The following BMP7 variants were observed in gnomAD, a reference collection of about 807,000 sequenced individuals.
BMP7 encodes the protein bone morphogenetic protein 7.
In BMP7, 12 loss-of-function variants were observed where a neutral mutation model predicts 41.2. That is an observed-to-expected ratio of 0.29 (90% CI 0.19 to 0.47). BMP7 has a LOEUF of 0.47. BMP7 is among the 20% of genes least tolerant of loss of function. The probability of loss-of-function intolerance (pLI) is 0.99; values close to 1 mark genes in which losing one functional copy is unlikely to be tolerated. For synonymous variants in BMP7, 248 were observed against 250.0 expected, an observed-to-expected ratio of 0.99 and a Z score of 0.07; for missense variants, 467 against 606.0, an observed-to-expected ratio of 0.77 and a Z score of 2.41.
chr20:57,249,780 T>C (rs1230125394), intron 1 of BMP7, among the ~76,000 whole-genome samples: 1 of 152,302 alleles, frequency 6.6e-6, no homozygotes, highest in East Asian at 1.9e-4. Flanking sequence ...CGGATGAGCC[T>C]AGAAGAGGCT....
At position 57,202,784 on chromosome 20, in the gene BMP7, C is replaced by A. The variant is rs8117461; in HGVS notation, c.612-161G>T. On this transcript the variant is annotated intron_variant, in intron 2 of 6. Coordinates refer to ENST00000395863, the MANE Select transcript of BMP7 (RefSeq NM_001719.3). Reference sequence around the variant, plus strand: ...CAGACCAAGATCCAGGCACAAAGACCCCTCAGTAGCTGTGGTGAGGAAAGA... The same window carrying A: ...CAGACCAAGATCCAGGCACAAAGACACCTCAGTAGCTGTGGTGAGGAAAGA... Among the ~76,000 whole-genome samples, 1,434 of 152,202 alleles carry A rather than the reference C, an allele frequency of 9.4e-3. 22 individuals carry two copies. The highest frequency in any genetic ancestry group is 0.033 in the African/African-American group (1,370 of 41,502).
rs755895161 is a variant in BMP7, at chr20:57,265,789, T to C, written c.334A>G (p.Ser112Gly). The part of the protein sequence containing the change: ...GFSYPYKAVF[S>G]TQGPPLASLQ... ...CTGGCCAGAGGGGGGCCCTGGGTAC[T>C]GAAGACGGCCTTGTAGGGGTAGGAG... is the stretch of plus-strand genomic sequence containing the variant. The change falls in exon 1 of 7, where the codon AGT becomes GGT. Residue 112 changes from serine (S) to glycine (G), a missense_variant. Around this residue, in one of 2 missense-constraint regions of BMP7, gnomAD observed 407 missense variants for 485.9 expected, o/e 0.84. Coordinates refer to ENST00000395863, the MANE Select transcript of BMP7 (RefSeq NM_001719.3). 12 of 1,609,858 alleles carry C rather than the reference T, an allele frequency of 7.5e-6. No individual in the cohort carries two copies. The highest frequency in any genetic ancestry group is 2.7e-5 in the African/African-American group (2 of 74,876).
intron 3 of BMP7, among the ~76,000 whole-genome samples, chr20:57,188,544 A>G (rs1271839339): frequency 6.9e-6 from 1 of 145,654 alleles, no homozygotes; most frequent in Non-Finnish European, 1.5e-5. Context: ...ATGAGAATAT[A>G]CTAAAAAAAA....
chr20:57,244,918 T>A (rs978743702), intron 1 of BMP7, among the ~76,000 whole-genome samples: 4 of 152,186 alleles, frequency 2.6e-5, no homozygotes, highest in Non-Finnish European at 5.9e-5. Context: ...CAAATGAGAA[T>A]TTATAATCCT....
chr20:57,245,126 G>T lies in BMP7; in HGVS notation c.419-16705C>A, dbSNP rs187477693. ...TCTGAAAACAGGAAGGTGCAGAGAC[G>T]TACAAAAGCCGCCCCAGGGGCTGAT... is the stretch of plus-strand genomic sequence containing the variant. On this transcript the variant is annotated intron_variant, in intron 1 of 6. Coordinates refer to ENST00000395863, the MANE Select transcript of BMP7 (RefSeq NM_001719.3). Among the ~76,000 whole-genome samples, 8 of 152,274 alleles carry T rather than the reference G, an allele frequency of 5.3e-5. No individual in the cohort carries two copies. In the East Asian group the frequency reaches 1.3e-3, roughly 26 times the overall value.
chr20:57,203,006 C>T (rs1202959523), intron 2 of BMP7, among the ~76,000 whole-genome samples: 1 of 152,190 alleles, frequency 6.6e-6, no homozygotes, highest in Non-Finnish European at 1.5e-5. Flanking sequence ...GTGCCAGATA[C>T]TGTCCCACGG....
rs1393992570 is a variant in BMP7, at chr20:57,169,793, G to A, written c.*1166C>T. 1 of 151,586 alleles carries A rather than the reference G, an allele frequency of 6.6e-6. No individual in the cohort carries two copies. Among genetic ancestry groups the A allele is most frequent in the African/African-American group, 2.4e-5 (1 of 41,218 alleles). 9.4% of individuals were successfully genotyped at this position (151,586 alleles called of 1,614,324 possible). ...TTCTTTTGAGATGGAGTCTTGTTTT[G>A]TCACCCAAGCTGGAGTGCAGTGGGA... On this transcript the variant is annotated 3_prime_UTR_variant, in exon 7 of 7. Coordinates refer to ENST00000395863, the MANE Select transcript of BMP7 (RefSeq NM_001719.3).
At chr20:57,233,906 A>C (rs1390888649) in intron 1 of BMP7, among the ~76,000 whole-genome samples, 1 of 152,244 alleles carries the variant, frequency 6.6e-6, no homozygotes. Context: ...ATAATGCACA[A>C]AACTAAACGA....
chr20:57,248,295 C>T (rs2066098138), intron 1 of BMP7, among the ~76,000 whole-genome samples: 1 of 152,188 alleles, frequency 6.6e-6, no homozygotes, highest in African/African-American at 2.4e-5. Context: ...TGAATGTGGC[C>T]ACCCAACAAC....
Position 57,228,164 on chromosome 20 carries a change from C to G in BMP7, c.611+65G>C. The G allele has an allele frequency of 6.4e-7, 1 of 1,570,862 alleles. No homozygotes were observed. Among genetic ancestry groups the G allele is most frequent in the South Asian group, 1.1e-5 (1 of 89,810 alleles). On this transcript the variant is annotated intron_variant, in intron 2 of 6. Coordinates refer to ENST00000395863, the MANE Select transcript of BMP7 (RefSeq NM_001719.3). This position sits in a 1 kb window ranked among gnomAD's most constrained non-coding sequence, Gnocchi z 4.5. ...AATCTGACCCATCCTCTGGCCCTCA[C>G]CACCTTCTTCCTCTGCCCCCAGAGG...
intron 3 of BMP7, among the ~76,000 whole-genome samples, chr20:57,199,298 G>A (rs1984570113): frequency 6.6e-6 from 1 of 152,188 alleles, no homozygotes. Context: ...TTGTAAACAG[G>A]CTGCCCTAGG....
chr20:57,215,297 A>G lies in BMP7; in HGVS notation c.612-12674T>C, dbSNP rs1345081666. On this transcript the variant is annotated intron_variant, in intron 2 of 6. Coordinates refer to ENST00000395863, the MANE Select transcript of BMP7 (RefSeq NM_001719.3). This position sits in a 1 kb window ranked among gnomAD's most constrained non-coding sequence, Gnocchi z 4.2. ...GGCTTCCGGTTGAGTGCCCCCATTT[A>G]CTGTCCCCATCACCTCTTCGGAGCC... is the stretch of plus-strand genomic sequence containing the variant. 6.6e-6 allele frequency among the ~76,000 whole-genome samples: 1 copy of G among 152,174 alleles called. No homozygotes were observed. Among genetic ancestry groups the G allele is most frequent in the Non-Finnish European group, 1.5e-5 (1 of 68,036 alleles).
chr20:57,233,554 C>T (rs113603576), intron 1 of BMP7, among the ~76,000 whole-genome samples: 44 of 152,214 alleles, frequency 2.9e-4, no homozygotes, highest in African/African-American at 1.0e-3. Flanking sequence ...GGGCGCCCCC[C>T]CTTCATGATC....
intron 4 of BMP7, among the ~76,000 whole-genome samples, chr20:57,175,266 G>A (rs887243725): frequency 6.6e-6 from 1 of 152,156 alleles, no homozygotes; most frequent in Non-Finnish European, 1.5e-5. Flanking sequence ...ATACTTTCTG[G>A]AACCTTCTGC....
intron 3 of BMP7, among the ~76,000 whole-genome samples, chr20:57,188,109 C>T (rs60313857): frequency 0.062 from 9,453 of 152,162 alleles, 461 homozygotes; most frequent in African/African-American, 0.13. Context: ...CGTGTACCCA[C>T]GAGAACTGAA....
intron 3 of BMP7, among the ~76,000 whole-genome samples, chr20:57,185,810 T>A (rs935558073): frequency 1.2e-4 from 18 of 152,038 alleles, no homozygotes; most frequent in Non-Finnish European, 5.9e-5. Context: ...AGGGCAGAGC[T>A]TTGCATACCC....
chr20:57,209,834 T>C (rs565748297), intron 2 of BMP7, among the ~76,000 whole-genome samples: 127 of 152,230 alleles, frequency 8.3e-4, no homozygotes, highest in Non-Finnish European at 3.5e-4. Flanking sequence ...ACGTCAATAT[T>C]GTCTCAATTT....
At chr20:57,185,566 G>C (rs963967116) in intron 3 of BMP7, among the ~76,000 whole-genome samples, 1 of 152,212 alleles carries the variant, frequency 6.6e-6, no homozygotes, top group Non-Finnish European at 1.5e-5. Flanking sequence ...ATGCAGTTTC[G>C]TTTAGCAGAT....
In BMP7 at chr20:57,266,228, A is replaced by C. The variant is rs2066178101; in HGVS notation, c.-106T>G. 2 of 1,202,390 alleles carry C rather than the reference A, an allele frequency of 1.7e-6. No homozygotes were observed. The highest frequency in any genetic ancestry group is 2.1e-5 in the South Asian group (1 of 47,686). The allele number at this position is 1,202,390 out of a possible 1,614,324, so 74.5% of individuals were successfully genotyped here. ...CGCGCCGCTCGGTCACTTGCTGCAG[A>C]CGGGCCCCGCTGCGCCCGCGCCAGA... On this transcript the variant is annotated 5_prime_UTR_variant, in exon 1 of 7. Coordinates refer to ENST00000395863, the MANE Select transcript of BMP7 (RefSeq NM_001719.3).
Sources: allele counts gnomAD v4.1 joint callset (sites outside exome capture counted in the v4.1 genomes callset), GRCh38; gene constraint gnomAD v4.1.1; regional missense constraint gnomAD v4.1.1; non-coding constraint Gnocchi (gnomAD v3.1); transcripts MANE v1.5; gene names NCBI Gene and HGNC (gene_info 2026-07-23, HGNC 2026-07-21).